The following AOAH variants were observed in gnomAD, a reference collection of about 807,000 sequenced individuals.
The protein encoded by AOAH is acyloxyacyl hydrolase (neutrophil).
Under a neutral mutation model 92.2 loss-of-function variants are expected in AOAH, and 64 were observed. That is an observed-to-expected ratio of 0.69 (90% confidence interval 0.57 to 0.86). The LOEUF (loss-of-function observed/expected upper bound fraction) is 0.86, where lower values mean the gene tolerates loss of function less well. AOAH is among the 40% of genes least tolerant of loss of function. The pLI is 0.00. For synonymous variants in AOAH, 263 were observed against 254.5 expected (o/e 1.03, Z -0.32); for missense variants, 656 against 694.6 (o/e 0.94, Z 0.62).
intron 1 of AOAH, among the ~76,000 whole-genome samples, chr7:36,701,788 C>T (rs549705567): frequency 1.1e-4 from 16 of 152,030 alleles, no homozygotes; most frequent in Admixed American, 7.2e-4. Flanking sequence ...AGTTCATTCA[C>T]ATATAATGTC....
chr7:36,707,819 TG>T (rs1798518446), intron 1 of AOAH, among the ~76,000 whole-genome samples: 1 of 133,470 alleles, frequency 7.5e-6, no homozygotes, highest in Non-Finnish European at 1.6e-5. Flanking sequence ...TTCTTGGATC[TG>T]TAGGCTAATG....
intron 19 of AOAH, among the ~76,000 whole-genome samples, chr7:36,522,816 T>TC (rs2115845391): frequency 6.6e-6 from 1 of 152,264 alleles, no homozygotes; most frequent in African/African-American, 2.4e-5. Context: ...AGCCAGCTGC[T>TC]CCCGGCAAAG....
chr7:36,631,947 G>T, intron 6 of AOAH, 89 bp downstream of exon 6: 1 of 996,846 alleles, frequency 1.0e-6, no homozygotes, highest in Non-Finnish European at 1.5e-6. Context: ...CCTTTTAAGT[G>T]TGAAGATCAT....
At chr7:36,584,293 G>A (rs1196972453) in intron 12 of AOAH, among the ~76,000 whole-genome samples, 1 of 152,174 alleles carries the variant, frequency 6.6e-6, no homozygotes, top group Non-Finnish European at 1.5e-5. Context: ...TCGCAGAAGA[G>A]TTTATGAAGA....
chr7:36,517,971 GCA>G (rs1433535700), intron 20 of AOAH, among the ~76,000 whole-genome samples: 17 of 117,978 alleles, frequency 1.4e-4, no homozygotes, highest in South Asian at 1.4e-3. Flanking sequence ...ACACACACAC[GCA>G]CACACACACA....
chr7:36,541,906 C>T (rs1785451688), intron 15 of AOAH, among the ~76,000 whole-genome samples: 1 of 152,198 alleles, frequency 6.6e-6, no homozygotes, highest in African/African-American at 2.4e-5. Flanking sequence ...TTCATCTACT[C>T]TTTACACTCT....
chr7:36,685,144 G>A (rs1224422927), intron 2 of AOAH, among the ~76,000 whole-genome samples: 1 of 151,924 alleles, frequency 6.6e-6, no homozygotes, highest in East Asian at 1.9e-4. Context: ...CTAAAGGAAT[G>A]CAATCAACAC....
Position 36,516,988 on chromosome 7 carries a change from A to C in AOAH, c.1600-3608T>G, listed in dbSNP as rs2115722455. Among the ~76,000 whole-genome samples, 1 of 152,306 alleles carries C rather than the reference A, an allele frequency of 6.6e-6. No individual in the cohort carries two copies. The highest frequency in any genetic ancestry group is 1.9e-4 in the East Asian group (1 of 5,184). ...AAATGAGACTGGCATGCTTATCACCAAACTAGAGACTTGTGATAAAATGAT... is the reference window on the plus strand; with the variant it reads ...AAATGAGACTGGCATGCTTATCACCCAACTAGAGACTTGTGATAAAATGAT... On this transcript the variant is annotated intron_variant, in intron 20 of 20. Transcript: ENST00000617537. This position sits in a 1 kb window ranked among gnomAD's most constrained non-coding sequence, Gnocchi z 5.0.
At chr7:36,707,154 G>A (rs920602291) in intron 1 of AOAH, among the ~76,000 whole-genome samples, 5 of 151,088 alleles carry the variant, frequency 3.3e-5, no homozygotes, top group African/African-American at 1.2e-4. Flanking sequence ...AGTGAGTTTT[G>A]TGTGACTCTT....
chr7:36,545,897 C>T (rs996984907), intron 15 of AOAH, among the ~76,000 whole-genome samples: 2 of 152,340 alleles, frequency 1.3e-5, no homozygotes, highest in African/African-American at 4.8e-5. Context: ...ACTGCCTCCG[C>T]CACCCCAAGG....
intron 1 of AOAH, among the ~76,000 whole-genome samples, chr7:36,714,963 G>A (rs922584402): frequency 2.0e-5 from 3 of 152,136 alleles, no homozygotes; most frequent in Admixed American, 6.5e-5. Flanking sequence ...ACATAGTGTT[G>A]GAAGTTCTGG....
Position 36,724,095 on chromosome 7 carries a change from A to G in AOAH, c.54T>C (p.Ser18=), listed in dbSNP as rs140892279. The G allele has an allele frequency of 6.8e-5, 109 of 1,613,674 alleles. No homozygotes were observed. The highest frequency in any genetic ancestry group is 8.6e-5 in the Non-Finnish European group (101 of 1,179,802). ...LTVAPLFLLL[S]LQSSASPAND... is the part of the protein sequence containing the mutation. ...TGGCTGGAGAGGCCGAGGACTGAAG[A>G]GACAGGAGCAAGAATAGAGGCGCCA... The change falls in exon 1 of 21, where the codon TCT becomes TCC. Residue 18 remains serine, a synonymous_variant. Transcript: ENST00000617537.
intron 15 of AOAH, among the ~76,000 whole-genome samples, chr7:36,544,608 G>C (rs1168804378): frequency 1.3e-5 from 2 of 152,086 alleles, no homozygotes; most frequent in African/African-American, 4.8e-5. Flanking sequence ...GCCACACTGG[G>C]GAAAATAATG....
intron 3 of AOAH, 124 bp downstream of exon 3, chr7:36,673,819 A>AT (rs1796075637): frequency 1.6e-6 from 1 of 640,294 alleles, no homozygotes; most frequent in East Asian, 2.9e-5. Context: ...AAGAGCTGGA[A>AT]TAACACCTCG....
intron 15 of AOAH, among the ~76,000 whole-genome samples, chr7:36,547,247 G>A (rs959344508): frequency 6.6e-6 from 1 of 152,166 alleles, no homozygotes; most frequent in Non-Finnish European, 1.5e-5. Context: ...TGTAGCCTTG[G>A]CCAACTTGGG....
chr7:36,603,061 T>A (rs1376491110), intron 11 of AOAH, among the ~76,000 whole-genome samples: 1 of 152,184 alleles, frequency 6.6e-6, no homozygotes. Flanking sequence ...CAGTAGTGTT[T>A]CCCAGAATCT....
chr7:36,593,127 G>A (rs1185612756), intron 12 of AOAH, among the ~76,000 whole-genome samples: 1 of 152,118 alleles, frequency 6.6e-6, no homozygotes, highest in African/African-American at 2.4e-5. Context: ...TAGGAGACCT[G>A]TCATTAGTAT....
intron 5 of AOAH, among the ~76,000 whole-genome samples, chr7:36,632,717 AGAC>A (rs1214852017): frequency 6.6e-6 from 1 of 152,210 alleles, no homozygotes; most frequent in East Asian, 1.9e-4. Flanking sequence ...AAAGAGAAGA[AGAC>A]AATAGGGTAG....
intron 13 of AOAH, among the ~76,000 whole-genome samples, chr7:36,575,667 T>C (rs1194262748): frequency 6.6e-6 from 1 of 152,216 alleles, no homozygotes; most frequent in Non-Finnish European, 1.5e-5. Flanking sequence ...AATTATTTTA[T>C]TAGTAAAAAA....
Sources: gnomAD v4.1 joint callset for allele counts (sites outside exome capture counted in the v4.1 genomes callset) on GRCh38, gnomAD v4.1.1 for gene constraint, Gnocchi (gnomAD v3.1) non-coding constraint, MANE v1.5 for transcripts, NCBI Gene and HGNC (gene_info 2026-07-23, HGNC 2026-07-21) for gene names.